The following PDE4B variants were observed in gnomAD, a reference collection of about 807,000 sequenced individuals.
PDE4B encodes phosphodiesterase 4B.
Under a neutral mutation model 82.2 loss-of-function variants are expected in PDE4B, and 20 were observed. That is an observed-to-expected ratio of 0.24 (90% CI 0.17 to 0.35). The LOEUF is 0.35. PDE4B is among the 10% of genes least tolerant of loss of function. The probability of loss-of-function intolerance (pLI) is 1.00; values close to 1 mark genes in which losing one functional copy is unlikely to be tolerated. For missense variants in PDE4B, 655 were observed against 907.2 expected, an observed-to-expected ratio of 0.72 and a Z score of 3.57; for synonymous variants, 320 against 318.9, an observed-to-expected ratio of 1.00 and a Z score of -0.04.
At chr1:65,891,400 C>T (rs766481732) in intron 1 of PDE4B, among the ~76,000 whole-genome samples, 30 of 151,914 alleles carry the variant, frequency 2.0e-4, no homozygotes, top group Admixed American at 9.9e-4. Context: ...TTACTTCTTT[C>T]TTTGGTAGTT....
chr1:66,274,506 A>T (rs1655739345), intron 7 of PDE4B, among the ~76,000 whole-genome samples: 3 of 152,028 alleles, frequency 2.0e-5, no homozygotes, highest in Admixed American at 6.6e-5. Context: ...ATATGTTAAG[A>T]TTGTTGTAAG....
At chr1:65,839,670 A>G (rs1231355436) in intron 1 of PDE4B, among the ~76,000 whole-genome samples, 4 of 152,156 alleles carry the variant, frequency 2.6e-5, no homozygotes, top group Non-Finnish European at 4.4e-5. Context: ...CCAGCCTATC[A>G]TTGATTAGCA....
chr1:65,901,581 C>G (rs1429092499), intron 1 of PDE4B, among the ~76,000 whole-genome samples: 1 of 152,050 alleles, frequency 6.6e-6, no homozygotes, highest in African/African-American at 2.4e-5. Flanking sequence ...AATTTCAAAA[C>G]TTGATATTGG....
At chr1:66,186,075 C>T (rs1647201333) in intron 3 of PDE4B, among the ~76,000 whole-genome samples, 1 of 152,120 alleles carries the variant, frequency 6.6e-6, no homozygotes, top group Admixed American at 6.6e-5. Context: ...TTTCCCAGCA[C>T]CATTTATTAA....
intron 8 of PDE4B, among the ~76,000 whole-genome samples, chr1:66,348,166 T>C (rs1282149690): frequency 6.6e-6 from 1 of 152,188 alleles, no homozygotes; most frequent in East Asian, 1.9e-4. Context: ...TTTGGAATCA[T>C]ATTAATGCCC....
intron 3 of PDE4B, among the ~76,000 whole-genome samples, chr1:66,166,317 A>G (rs1239985430): frequency 6.6e-6 from 1 of 152,248 alleles, no homozygotes. Context: ...GTAAATATTC[A>G]TGACCTAGGG....
chr1:66,334,956 A>T (rs1230778734), intron 8 of PDE4B, among the ~76,000 whole-genome samples: 1 of 152,206 alleles, frequency 6.6e-6, no homozygotes, highest in Admixed American at 6.5e-5. Flanking sequence ...AAAGAAATTG[A>T]TCTACACCAG....
At chr1:66,338,687 T>C (rs1203899630) in intron 8 of PDE4B, among the ~76,000 whole-genome samples, 1 of 152,162 alleles carries the variant, frequency 6.6e-6, no homozygotes, top group Admixed American at 6.5e-5. Flanking sequence ...CCAAATTCCC[T>C]TTTTCCCTGC....
rs545217976 is a variant in PDE4B at position 66,233,669 on chromosome 1, G to T, written c.282-13791G>T. Among the ~76,000 whole-genome samples the T allele has an allele frequency of 6.0e-5, 9 of 149,636 alleles. No homozygotes were observed. The South Asian group carries it at 1.7e-3, about 28-fold the overall frequency. ...TCAGCTGAAAGTTTTCACAGATGCC[G>T]TTTACCTGGTTGATATGTAAATATA... On this transcript the variant is annotated intron_variant, in intron 3 of 16. Transcript: ENST00000341517.
intron 3 of PDE4B, among the ~76,000 whole-genome samples, chr1:66,220,642 G>A (rs1557642566): frequency 6.6e-6 from 1 of 152,042 alleles, no homozygotes; most frequent in Non-Finnish European, 1.5e-5. Flanking sequence ...ATCCTTCCTT[G>A]CTCACATTCT....
In PDE4B at chr1:66,085,520, A is replaced by G. The variant is rs78771561; in HGVS notation, c.282-161940A>G. Among the ~76,000 whole-genome samples, 59 of 152,284 alleles carry G rather than the reference A, an allele frequency of 3.9e-4. 2 individuals are homozygous for G. The East Asian group carries it at 0.011, about 28-fold the overall frequency. On this transcript the variant is annotated intron_variant, in intron 3 of 16. Transcript: ENST00000341517. ...AAGGTGCACATTTAATGAATGGGGAAGTTTTAATATGAGCTAGCAGCACAC... is the reference window on the plus strand; with the variant it reads ...AAGGTGCACATTTAATGAATGGGGAGGTTTTAATATGAGCTAGCAGCACAC...
At chr1:66,107,959 A>C (rs1355468879) in intron 3 of PDE4B, among the ~76,000 whole-genome samples, 1 of 152,024 alleles carries the variant, frequency 6.6e-6, no homozygotes, top group Non-Finnish European at 1.5e-5. Flanking sequence ...AAAGATACAC[A>C]TTTATTTTTT....
chr1:66,177,094 GA>G (rs1327451352), intron 3 of PDE4B, among the ~76,000 whole-genome samples: 1 of 152,206 alleles, frequency 6.6e-6, no homozygotes, highest in African/African-American at 2.4e-5. Flanking sequence ...GGTGACATTT[GA>G]CTTCAGTCTA....
At chr1:65,864,548 G>T (rs1439118276) in intron 1 of PDE4B, among the ~76,000 whole-genome samples, 1 of 152,038 alleles carries the variant, frequency 6.6e-6, no homozygotes, top group East Asian at 1.9e-4. Context: ...TTTTTGTGCG[G>T]GGGTCCTTTA....
chr1:66,277,646 G>A (rs571224746), intron 7 of PDE4B, among the ~76,000 whole-genome samples: 5 of 152,144 alleles, frequency 3.3e-5, no homozygotes, highest in Admixed American at 1.3e-4. Context: ...TGCGTGCCTC[G>A]GCCTCCCAAA....
At chr1:65,963,746 T>C (rs1649664823) in intron 3 of PDE4B, among the ~76,000 whole-genome samples, 1 of 152,202 alleles carries the variant, frequency 6.6e-6, no homozygotes. Flanking sequence ...GCGAGCCCTG[T>C]CACACTCATT....
intron 1 of PDE4B, among the ~76,000 whole-genome samples, chr1:65,890,523 T>C (rs1427907352): frequency 6.6e-6 from 1 of 152,034 alleles, no homozygotes; most frequent in Non-Finnish European, 1.5e-5. Flanking sequence ...TTGTGACGGA[T>C]TGAAGTATAC....
Position 66,073,917 on chromosome 1 carries a change from G to A in PDE4B, c.281+155082G>A, listed in dbSNP as rs544124902. 2.0e-5 allele frequency among the ~76,000 whole-genome samples: 3 copies of A among 152,284 alleles called. No individual in the cohort carries two copies. In the East Asian group the frequency reaches 5.8e-4, roughly 29 times the overall value. ...AGTTCAAAGACATAGAGATAATAGT[G>A]TGGAAAGGAGTAGACCCAGGGTATA... On this transcript the variant is annotated intron_variant, in intron 3 of 16. Coordinates refer to ENST00000341517, the MANE Select transcript of PDE4B (RefSeq NM_002600.4).
At chr1:66,229,339 C>T (rs1651758584) in intron 3 of PDE4B, among the ~76,000 whole-genome samples, 1 of 152,180 alleles carries the variant, frequency 6.6e-6, no homozygotes, top group Non-Finnish European at 1.5e-5. Flanking sequence ...ATCTCATTGG[C>T]CAGAACTATG....
Sources: allele counts gnomAD v4.1 joint callset (sites outside exome capture counted in the v4.1 genomes callset), GRCh38; gene constraint gnomAD v4.1.1; transcripts MANE v1.5; gene names NCBI Gene and HGNC (gene_info 2026-07-23, HGNC 2026-07-21).